IGSF5: variants seen among roughly 807,000 people sequenced by gnomAD.
IGSF5 encodes immunoglobulin superfamily 5 like.
A neutral mutation model predicts 39.4 loss-of-function variants in IGSF5; 41 were observed. The ratio of observed to expected loss-of-function variants is 1.04; its 90% CI spans 0.81 to 1.35. IGSF5 has a LOEUF of 1.35. Among genes scored for constraint, IGSF5 ranks in the 40% most tolerant of loss-of-function variants. The pLI is 0.00. For missense variants in IGSF5, 487 were observed against 494.6 expected, an observed-to-expected ratio of 0.98 and a Z score of 0.15; for synonymous variants, 183 against 175.3, an observed-to-expected ratio of 1.04 and a Z score of -0.34.
chr21:39,721,721 T>G, the IGSF5 span, among the ~76,000 whole-genome samples: 1 of 128,160 alleles, frequency 7.8e-6, no homozygotes, highest in South Asian at 2.5e-4. Flanking sequence ...CTTCCTTCCT[T>G]CCTTCCACCC....
chr21:39,734,400 G>A, the IGSF5 span, among the ~76,000 whole-genome samples: 1 of 145,900 alleles, frequency 6.9e-6, no homozygotes, highest in African/African-American at 2.6e-5. Flanking sequence ...TCCAGCCTGG[G>A]TGACAGAGCA....
At chr21:39,715,060 T>C in the IGSF5 span, among the ~76,000 whole-genome samples, 1 of 151,752 alleles carries the variant, frequency 6.6e-6, no homozygotes, top group Non-Finnish European at 1.5e-5. Flanking sequence ...TTTCTTTCTT[T>C]CGTTCTTTCT....
chr21:39,751,627 G>A (rs1304014009), intron 2 of IGSF5, among the ~76,000 whole-genome samples: 1 of 151,984 alleles, frequency 6.6e-6, no homozygotes, highest in Non-Finnish European at 1.5e-5. Flanking sequence ...TGGGCTGGGG[G>A]GGGTGGGGTC....
rs781037229 is a variant in IGSF5 at position 39,792,030 on chromosome 21, A to G, written c.979A>G (p.Asn327Asp). 6.8e-6 allele frequency: 11 copies of G among 1,609,260 alleles called. No individual in the cohort carries two copies. The highest frequency in any genetic ancestry group is 1.7e-4 in the Middle Eastern group (1 of 6,056). ...TAGGAAATCTGAAAAAGAGAAGACA[A>G]ACAAAGAAACTGAGACAGAAAGTGG... ...FQKKSEKEKT[N>D]KETETESGNE... The change falls in exon 7 of 9, where the codon AAC becomes GAC. Residue 327 changes from asparagine (N) to aspartate (D), a missense_variant. Asn to Asp is a conservative substitution (Grantham distance 23). Coordinates refer to ENST00000380588, the MANE Select transcript of IGSF5 (RefSeq NM_001080444.2).
the IGSF5 span, among the ~76,000 whole-genome samples, chr21:39,733,053 T>G: frequency 6.6e-6 from 1 of 151,632 alleles, no homozygotes. Flanking sequence ...ATTAAAAAAA[T>G]TAAAAAGTTA....
chr21:39,778,995 A>G (rs182182980), intron 4 of IGSF5, 95 bp from the exon 5 acceptor site: 339 of 1,441,950 alleles, frequency 2.4e-4, no homozygotes, highest in Middle Eastern at 5.1e-4. Context: ...AATAGTTATA[A>G]TATTACTAGA....
At chr21:39,799,188 A>G (rs575084624) in intron 8 of IGSF5, among the ~76,000 whole-genome samples, 6 of 152,346 alleles carry the variant, frequency 3.9e-5, no homozygotes, top group Non-Finnish European at 5.9e-5. Flanking sequence ...CTTCCTGCTC[A>G]AGAGATGGGG....
intron 2 of IGSF5, among the ~76,000 whole-genome samples, chr21:39,753,074 A>G (rs4816645): frequency 0.71 from 107,727 of 151,998 alleles, 40,891 homozygotes; most frequent in Non-Finnish European, 0.84. Context: ...GCCTAAGCTA[A>G]TGTCCAGGCA....
the IGSF5 span, among the ~76,000 whole-genome samples, chr21:39,722,968 A>G: frequency 6.6e-6 from 1 of 152,226 alleles, no homozygotes; most frequent in Non-Finnish European, 1.5e-5. Context: ...AGTATTATTA[A>G]CCTTGTTTTT....
At position 39,771,392 on chromosome 21, in the gene IGSF5, G is replaced by A. The variant is rs546362521; in HGVS notation, c.718+177G>A. ...GCTTAATAATCTTATACCCTCGTCT[G>A]CTTTTTAAATTCCATCTTAAAGTTT... On this transcript the variant is annotated intron_variant, in intron 4 of 8. Coordinates refer to ENST00000380588, the MANE Select transcript of IGSF5 (RefSeq NM_001080444.2). Among the ~76,000 whole-genome samples, 3 of 152,278 alleles carry A rather than the reference G, an allele frequency of 2.0e-5. No individual in the cohort carries two copies. In the South Asian group the frequency reaches 6.2e-4, roughly 32 times the overall value.
intron 8 of IGSF5, among the ~76,000 whole-genome samples, chr21:39,795,081 CTG>C (rs1340407762): frequency 1.3e-5 from 2 of 152,188 alleles, no homozygotes; most frequent in South Asian, 2.1e-4. Context: ...ATAAAGGCAA[CTG>C]TGCCTGAGTA....
intron 4 of IGSF5, 73 bp from the exon 5 acceptor site, chr21:39,779,017 A>G (rs2080155316): frequency 1.9e-6 from 3 of 1,545,620 alleles, no homozygotes; most frequent in Non-Finnish European, 2.6e-6. Context: ...AACATAATGC[A>G]ACTTATAATG....
intron 8 of IGSF5, among the ~76,000 whole-genome samples, chr21:39,794,103 G>A (rs750613664): frequency 6.6e-6 from 1 of 152,172 alleles, no homozygotes; most frequent in Admixed American, 6.5e-5. Context: ...CTGCATGCAA[G>A]TTCTATGCTG....
chr21:39,761,328 C>T (rs374550632), intron 2 of IGSF5, among the ~76,000 whole-genome samples: 24 of 152,320 alleles, frequency 1.6e-4, no homozygotes, highest in African/African-American at 5.8e-4. Context: ...AATTATCCTT[C>T]TTGACATTGG....
chr21:39,727,813 C>T, the IGSF5 span: 1 of 152,240 alleles, frequency 6.6e-6, no homozygotes, highest in Middle Eastern at 3.2e-3. Flanking sequence ...CTCAGCCTAA[C>T]CTCTAATTTC....
At chr21:39,755,308 C>T (rs980752246) in intron 2 of IGSF5, among the ~76,000 whole-genome samples, 3 of 152,038 alleles carry the variant, frequency 2.0e-5, no homozygotes, top group Non-Finnish European at 2.9e-5. Context: ...AAATGATGAC[C>T]TGGTGCGGTG....
upstream of IGSF5, among the ~76,000 whole-genome samples, chr21:39,742,795 G>A (rs1193827632): frequency 6.6e-6 from 1 of 151,752 alleles, no homozygotes; most frequent in African/African-American, 2.4e-5. Flanking sequence ...TTTTTATCCT[G>A]TTTGTCCTGT....
At chr21:39,728,848 A>C in the IGSF5 span, among the ~76,000 whole-genome samples, 1 of 151,880 alleles carries the variant, frequency 6.6e-6, no homozygotes, top group Non-Finnish European at 1.5e-5. Context: ...CAAACATATC[A>C]AGTCTAATCT....
chr21:39,762,307 T>C (rs1184876392), intron 2 of IGSF5, among the ~76,000 whole-genome samples: 1 of 152,186 alleles, frequency 6.6e-6, no homozygotes, highest in African/African-American at 2.4e-5. Flanking sequence ...GGATTACAAC[T>C]TAGTTTTATA....
Sources: allele counts gnomAD v4.1 joint callset (sites outside exome capture counted in the v4.1 genomes callset), GRCh38; gene constraint gnomAD v4.1.1; transcripts MANE v1.5; gene names NCBI Gene and HGNC (gene_info 2026-07-23, HGNC 2026-07-21).